SORL1-AS1: variants seen among roughly 807,000 people sequenced by gnomAD.
SORL1-AS1 encodes the protein SORL1 antisense RNA 1.
At chr11:121,442,124 T>C in the SORL1-AS1 span, among the ~76,000 whole-genome samples, 1 of 152,230 alleles carries the variant, frequency 6.6e-6, no homozygotes, top group Non-Finnish European at 1.5e-5. Context: ...TTGCACCAGA[T>C]TCTGCTATAC....
In SORL1-AS1 at chr11:121,452,424, G is replaced by T; in HGVS notation, n.339+251C>A. On this transcript the variant is annotated intron_variant and non_coding_transcript_variant, in intron 1 of 1. Transcript: ENST00000501964. The surrounding 1 kb of genome is among the most constrained non-coding windows in gnomAD (Gnocchi z 5.3). Reference sequence around the variant, plus strand: ...CGCCCGGAGCTCTCTGCGAAGTCTGGACGCAGAGGCTGCACGGCGGCAGCG... The same window carrying T: ...CGCCCGGAGCTCTCTGCGAAGTCTGTACGCAGAGGCTGCACGGCGGCAGCG... 6.6e-7 allele frequency: 1 copy of T among 1,516,604 alleles called. No homozygotes were observed. The highest frequency in any genetic ancestry group is 1.2e-5 in the South Asian group (1 of 80,218). The allele number at this position is 1,516,604 out of a possible 1,614,324, so 93.9% of individuals were successfully genotyped here. A position where few individuals can be genotyped will look rare whatever the true frequency, so the allele number is the denominator to read the frequency against.
downstream of SORL1-AS1, among the ~76,000 whole-genome samples, chr11:121,442,929 C>A (rs111738973): frequency 2.0e-5 from 3 of 150,394 alleles, no homozygotes; most frequent in Non-Finnish European, 4.4e-5. Context: ...CCGTCCATCT[C>A]GGCCTCCCAA....
downstream of SORL1-AS1, among the ~76,000 whole-genome samples, chr11:121,444,296 A>G (rs867308894): frequency 6.6e-6 from 1 of 152,268 alleles, no homozygotes; most frequent in Non-Finnish European, 1.5e-5. Context: ...GCTTTGCTCA[A>G]TAATAATAGG....
At chr11:121,442,491 T>C (rs1860667322), downstream of SORL1-AS1, among the ~76,000 whole-genome samples, 2 of 151,148 alleles carry the variant, frequency 1.3e-5, no homozygotes, top group Non-Finnish European at 3.0e-5. Context: ...AAAAATTAAC[T>C]GGGCGTGGTG....
downstream of SORL1-AS1, among the ~76,000 whole-genome samples, chr11:121,443,051 G>A (rs1251199117): frequency 1.3e-5 from 2 of 151,448 alleles, no homozygotes; most frequent in Non-Finnish European, 1.5e-5. Flanking sequence ...ACATGAAGAC[G>A]TGGGATGGAA....
At chr11:121,438,979 C>T in the SORL1-AS1 span, among the ~76,000 whole-genome samples, 8 of 152,240 alleles carry the variant, frequency 5.3e-5, no homozygotes, top group East Asian at 5.8e-4. Context: ...TGAGCTGAGA[C>T]GGCTCCACTG....
rs908179085 is a variant in SORL1-AS1, at chr11:121,450,330, G to A, written n.340-431C>T. On this transcript the variant is annotated intron_variant and non_coding_transcript_variant, in intron 1 of 1. Coordinates refer to ENST00000501964, the Ensembl canonical transcript of SORL1-AS1. The surrounding 1 kb of genome is among the most constrained non-coding windows in gnomAD (Gnocchi z 5.2). ...GCTGCTGGTCCTGAGAGACCATGGG[G>A]TTGTCCATTCCTGGTAAGGTGATGC... 5.3e-5 allele frequency among the ~76,000 whole-genome samples: 8 copies of A among 152,236 alleles called. No individual in the cohort carries two copies. In the East Asian group the frequency reaches 1.5e-3, roughly 29 times the overall value.
downstream of SORL1-AS1, among the ~76,000 whole-genome samples, chr11:121,444,766 G>A (rs1860703428): frequency 6.6e-6 from 1 of 152,220 alleles, no homozygotes; most frequent in Non-Finnish European, 1.5e-5. Flanking sequence ...CAGACTGTAA[G>A]TATTCCATGG....
intron 1 of SORL1-AS1, among the ~76,000 whole-genome samples, chr11:121,451,049 T>C (rs1860783376): frequency 6.6e-6 from 1 of 152,098 alleles, no homozygotes; most frequent in Non-Finnish European, 1.5e-5. Context: ...GAGGAATGTT[T>C]TTAGAAAATT....
At chr11:121,439,830 T>C in the SORL1-AS1 span, among the ~76,000 whole-genome samples, 1 of 152,234 alleles carries the variant, frequency 6.6e-6, no homozygotes, top group South Asian at 2.1e-4. Flanking sequence ...TAAAATATGA[T>C]TTCCAGACAT....
At chr11:121,438,195 C>A in the SORL1-AS1 span, among the ~76,000 whole-genome samples, 1 of 152,136 alleles carries the variant, frequency 6.6e-6, no homozygotes, top group African/African-American at 2.4e-5. Flanking sequence ...TCAGAACTCC[C>A]AATTTGAACC....
chr11:121,441,249 C>T, the SORL1-AS1 span, among the ~76,000 whole-genome samples: 8 of 151,800 alleles, frequency 5.3e-5, no homozygotes, highest in African/African-American at 1.7e-4. Flanking sequence ...ATTGGCCAGG[C>T]GCTGTGGCTC....
At position 121,452,857 on chromosome 11, in the gene SORL1-AS1, C is replaced by T. The variant is rs1382326706; in HGVS notation, n.157G>A. 2 of 451,810 alleles carry T rather than the reference C, an allele frequency of 4.4e-6. No homozygotes were observed. Among genetic ancestry groups the T allele is most frequent in the Non-Finnish European group, 7.8e-6 (2 of 257,264 alleles). The allele number at this position is 451,810 out of a possible 1,614,324, so 28.0% of individuals were successfully genotyped here. A position where few individuals can be genotyped will look rare whatever the true frequency, so the allele number is the denominator to read the frequency against. ...ACTCGCCGGGTGCAGTGCGTATTAC[C>T]CCAGGGTGTGTGCAGAGAGATGTAG... On this transcript the variant is annotated non_coding_transcript_exon_variant, in exon 1 of 2. Coordinates refer to ENST00000501964, the Ensembl canonical transcript of SORL1-AS1. The surrounding 1 kb of genome is among the most constrained non-coding windows in gnomAD (Gnocchi z 5.3).
Position 121,450,639 on chromosome 11 carries a change from C to T in SORL1-AS1, n.340-740G>A, listed in dbSNP as rs1860777580. ...GCAGGATGAAGGCACCCCAATAATA[C>T]CACACTGGGGAAAGTGTGGTATTTT... On this transcript the variant is annotated intron_variant and non_coding_transcript_variant, in intron 1 of 1. Coordinates refer to ENST00000501964, the Ensembl canonical transcript of SORL1-AS1. The surrounding 1 kb of genome is among the most constrained non-coding windows in gnomAD (Gnocchi z 5.2). Among the ~76,000 whole-genome samples, 1 of 152,028 alleles carries T rather than the reference C, an allele frequency of 6.6e-6. No individual in the cohort carries two copies. Among genetic ancestry groups the T allele is most frequent in the South Asian group, 2.1e-4 (1 of 4,824 alleles).
At chr11:121,440,056 C>T in the SORL1-AS1 span, among the ~76,000 whole-genome samples, 2 of 152,072 alleles carry the variant, frequency 1.3e-5, no homozygotes, top group African/African-American at 4.8e-5. Context: ...TGGTAGTGCT[C>T]AGGAGCTTGC....
chr11:121,447,182 T>C (rs549860890), downstream of SORL1-AS1: 3 of 152,182 alleles, frequency 2.0e-5, no homozygotes, highest in East Asian at 1.9e-4. Flanking sequence ...TATAAGAAAC[T>C]TCTAGGTTCC....
chr11:121,444,659 C>T (rs895847911), downstream of SORL1-AS1, among the ~76,000 whole-genome samples: 1 of 152,150 alleles, frequency 6.6e-6, no homozygotes, highest in African/African-American at 2.4e-5. Context: ...GATCTGACTT[C>T]AGTGGGCAGG....
chr11:121,452,764 A>G lies in SORL1-AS1; in HGVS notation n.250T>C, dbSNP rs375165937. 4.8e-4 allele frequency: 299 copies of G among 627,204 alleles called. 3 individuals are homozygous for G. The South Asian group carries it at 7.6e-3, about 16-fold the overall frequency. The allele number at this position is 627,204 out of a possible 1,614,324, so 38.9% of individuals were successfully genotyped here. A position where few individuals can be genotyped will look rare whatever the true frequency, so the allele number is the denominator to read the frequency against. ...ATTTGTTTTTTTCCTTCACGAGTAC[A>G]ACCGTCAGCACTTGAATCGCATTGA... On this transcript the variant is annotated non_coding_transcript_exon_variant, in exon 1 of 2. Coordinates refer to ENST00000501964, the Ensembl canonical transcript of SORL1-AS1. The surrounding 1 kb of genome is among the most constrained non-coding windows in gnomAD (Gnocchi z 5.3).
At position 121,452,196 on chromosome 11, in the gene SORL1-AS1, G is replaced by T. The variant is rs1198094709; in HGVS notation, n.339+479C>A. On this transcript the variant is annotated intron_variant and non_coding_transcript_variant, in intron 1 of 1. Coordinates refer to ENST00000501964, the Ensembl canonical transcript of SORL1-AS1. This position sits in a 1 kb window ranked among gnomAD's most constrained non-coding sequence, Gnocchi z 5.3. ...TGGCGGCAGCGGCGGCGGGCGCAGC[G>T]GGGCGGCCCGGAGCGGCGCGGGCGG... 1 of 382,576 alleles carries T rather than the reference G, an allele frequency of 2.6e-6. No homozygotes were observed. Among genetic ancestry groups the T allele is most frequent in the Non-Finnish European group, 3.6e-6 (1 of 277,216 alleles). The allele number at this position is 382,576 out of a possible 1,614,324, so 23.7% of individuals were successfully genotyped here. A position where few individuals can be genotyped will look rare whatever the true frequency, so the allele number is the denominator to read the frequency against.
Sources: gnomAD v4.1 joint callset for allele counts (sites outside exome capture counted in the v4.1 genomes callset) on GRCh38, gnomAD v4.1.1 for gene constraint, Gnocchi (gnomAD v3.1) non-coding constraint, MANE v1.5 for transcripts, NCBI Gene and HGNC (gene_info 2026-07-23, HGNC 2026-07-21) for gene names.